Variants in KCNMA1 observed in about 807,000 individuals in gnomAD.
The protein encoded by KCNMA1 is potassium calcium-activated channel subfamily M alpha 1, also known as Calcium-activated potassium channel subunit alpha-1.
KCNMA1 carries 29 observed loss-of-function variants against 140.0 expected under a neutral mutation model. That is an observed-to-expected ratio of 0.21 (90% CI 0.15 to 0.28). The LOEUF is 0.28. Ranked by LOEUF, KCNMA1 falls within the 10% of genes least tolerant of loss-of-function variation. KCNMA1 has a pLI of 1.00. For synonymous variants in KCNMA1, 612 were observed against 611.9 expected (o/e 1.00, Z 0.00); for missense variants, 880 against 1,602.2 (o/e 0.55, Z 7.70).
At chr10:77,480,856 T>G (rs2098380409) in intron 1 of KCNMA1, among the ~76,000 whole-genome samples, 1 of 151,214 alleles carries the variant, frequency 6.6e-6, no homozygotes, top group East Asian at 2.0e-4. Context: ...ACACCTGTAA[T>G]CCCAGCACTT....
At chr10:77,043,723 T>C (rs548786944) in intron 14 of KCNMA1, among the ~76,000 whole-genome samples, 6 of 152,290 alleles carry the variant, frequency 3.9e-5, no homozygotes, top group African/African-American at 1.4e-4. Flanking sequence ...ATTACGCTAA[T>C]TGAAATAACC....
intron 2 of KCNMA1, among the ~76,000 whole-genome samples, chr10:77,346,020 A>G (rs2092058465): frequency 6.6e-6 from 1 of 152,190 alleles, no homozygotes; most frequent in South Asian, 2.1e-4. Context: ...CCTTCCTGAA[A>G]GAGATGCTTC....
chr10:77,106,885 G>A (rs1051699019), intron 9 of KCNMA1, among the ~76,000 whole-genome samples: 2 of 152,166 alleles, frequency 1.3e-5, no homozygotes, highest in African/African-American at 4.8e-5. Flanking sequence ...AGATAATATT[G>A]AGGGGAGGGC....
intron 1 of KCNMA1, among the ~76,000 whole-genome samples, chr10:77,568,613 C>A (rs1022515043): frequency 2.0e-5 from 3 of 150,690 alleles, no homozygotes; most frequent in African/African-American, 7.4e-5. Context: ...CTATGACAAA[C>A]CCACAGCCAA....
chr10:77,630,793 C>A (rs1255307682), intron 1 of KCNMA1, among the ~76,000 whole-genome samples: 1 of 151,976 alleles, frequency 6.6e-6, no homozygotes, highest in African/African-American at 2.4e-5. Flanking sequence ...TAACAGCTCT[C>A]GGTGATTCCT....
intron 21 of KCNMA1, 55 bp from the exon 22 acceptor site, chr10:76,949,421 T>A: frequency 7.4e-7 from 1 of 1,359,568 alleles, no homozygotes; most frequent in South Asian, 1.2e-5. Context: ...AGGGCTGTTG[T>A]AAGGAGTGAA....
At chr10:77,282,045 AC>A (rs1412201201) in intron 2 of KCNMA1, among the ~76,000 whole-genome samples, 8 of 152,194 alleles carry the variant, frequency 5.3e-5, no homozygotes, top group African/African-American at 1.9e-4. Context: ...TTGTTTTTCA[AC>A]CCTTATTACT....
At chr10:77,144,039 C>G (rs923722331) in intron 5 of KCNMA1, among the ~76,000 whole-genome samples, 4 of 152,024 alleles carry the variant, frequency 2.6e-5, no homozygotes, top group Non-Finnish European at 5.9e-5. Context: ...AAACATGCAT[C>G]TATCCTATGA....
chr10:77,169,768 C>T (rs977137620), intron 5 of KCNMA1, among the ~76,000 whole-genome samples: 1 of 152,130 alleles, frequency 6.6e-6, no homozygotes, highest in African/African-American at 2.4e-5. Context: ...GCTAATTTTA[C>T]CCTTTATGAG....
At chr10:77,161,805 T>C (rs2098557374) in intron 5 of KCNMA1, among the ~76,000 whole-genome samples, 1 of 152,232 alleles carries the variant, frequency 6.6e-6, no homozygotes, top group African/African-American at 2.4e-5. Flanking sequence ...TTTATTCATC[T>C]TTTGTTATAT....
chr10:77,477,567 T>C (rs1298815035), intron 1 of KCNMA1, among the ~76,000 whole-genome samples: 1 of 152,234 alleles, frequency 6.6e-6, no homozygotes, highest in Admixed American at 6.5e-5. Flanking sequence ...AGTTGCATCT[T>C]GGCTTGGCTA....
chr10:77,120,742 C>T (rs1403527088), intron 6 of KCNMA1, among the ~76,000 whole-genome samples: 11 of 152,146 alleles, frequency 7.2e-5, no homozygotes, highest in Admixed American at 7.2e-4. Flanking sequence ...AGTGTCCCTA[C>T]TTCCCTGCAT....
At position 77,630,651 on chromosome 10, in the gene KCNMA1, C is replaced by T. The variant is rs141912580; in HGVS notation, c.378+6614G>A. ...AGCCTGTCTTCAGGGATGGACTGCA[C>T]GGAGGCTGAGGGATGGACCAGATCC... is the stretch of plus-strand genomic sequence containing the variant. On this transcript the variant is annotated intron_variant, in intron 1 of 27. Transcript: ENST00000286628. 1.5e-3 allele frequency among the ~76,000 whole-genome samples: 222 copies of T among 152,290 alleles called. 1 individual carries two copies. The highest frequency in any genetic ancestry group is 5.0e-3 in the African/African-American group (209 of 41,562).
intron 5 of KCNMA1, among the ~76,000 whole-genome samples, chr10:77,137,688 A>C (rs1186157790): frequency 1.3e-5 from 2 of 152,194 alleles, no homozygotes; most frequent in African/African-American, 4.8e-5. Context: ...TTGTTCCCAC[A>C]GTCAGAATGT....
chr10:76,952,784 G>A (rs1476807009), intron 21 of KCNMA1, among the ~76,000 whole-genome samples: 7 of 152,184 alleles, frequency 4.6e-5, no homozygotes, highest in African/African-American at 1.2e-4. Context: ...AAGCCATTCC[G>A]AGGACCCAGA....
intron 1 of KCNMA1, among the ~76,000 whole-genome samples, chr10:77,417,002 T>C (rs1399761541): frequency 6.6e-6 from 1 of 152,148 alleles, no homozygotes; most frequent in African/African-American, 2.4e-5. Flanking sequence ...CACTCGTCAC[T>C]GACCTGCTCT....
chr10:77,610,049 A>T (rs1232682764), intron 1 of KCNMA1, among the ~76,000 whole-genome samples: 3 of 152,108 alleles, frequency 2.0e-5, no homozygotes, highest in African/African-American at 7.2e-5. Flanking sequence ...CCCTGTTCCC[A>T]CCCTGCACCA....
At chr10:77,254,223 T>TC (rs1483524697) in intron 2 of KCNMA1, among the ~76,000 whole-genome samples, 1 of 87,146 alleles carries the variant, frequency 1.1e-5, no homozygotes, top group East Asian at 3.7e-4. Flanking sequence ...TGAAATATAC[T>TC]CTTTTTTTTT....
At chr10:77,255,676 G>T (rs2060572427) in intron 2 of KCNMA1, among the ~76,000 whole-genome samples, 1 of 152,050 alleles carries the variant, frequency 6.6e-6, no homozygotes, top group South Asian at 2.1e-4. Flanking sequence ...CACTTTGGGA[G>T]GCCGAGGTGG....
Sources: gnomAD v4.1 joint callset for allele counts (sites outside exome capture counted in the v4.1 genomes callset) on GRCh38, gnomAD v4.1.1 for gene constraint, MANE v1.5 for transcripts, NCBI Gene and HGNC (gene_info 2026-07-23, HGNC 2026-07-21) for gene names.